UGGT1: variants seen among roughly 807,000 people sequenced by gnomAD.
UGGT1 encodes UDP-glucose glycoprotein glucosyltransferase 1.
UGGT1 carries 107 observed loss-of-function variants against 203.9 expected under a neutral mutation model. The ratio of observed to expected loss-of-function variants is 0.52; its 90% CI spans 0.45 to 0.62. The LOEUF (loss-of-function observed/expected upper bound fraction) is 0.62, where lower values mean the gene tolerates loss of function less well. Among genes scored for constraint, UGGT1 ranks in the 20% least tolerant of loss-of-function variants. The probability of loss-of-function intolerance (pLI) is 0.00; values close to 1 mark genes in which losing one functional copy is unlikely to be tolerated. For synonymous variants in UGGT1, 628 were observed against 653.5 expected (o/e 0.96, Z 0.59); for missense variants, 1,673 against 1,867.2 (o/e 0.90, Z 1.92).
intron 16 of UGGT1, chr2:128,140,163 C>A: frequency 5.8e-6 from 1 of 171,124 alleles, no homozygotes; most frequent in South Asian, 1.6e-4. Context: ...GCAGGGTCAG[C>A]TTAGAGCTAG....
At position 128,154,632 on chromosome 2, in the gene UGGT1, G is replaced by T. The variant is rs1690140372; in HGVS notation, c.2138-857G>T. On this transcript the variant is annotated intron_variant, in intron 19 of 40. Transcript: ENST00000259253. ...TCCCCCACGTGATATCATGGACCGT[G>T]TGTGACTTATTTTCTACGGTTTTCC... Among the ~76,000 whole-genome samples the T allele has an allele frequency of 2.0e-5, 3 of 152,198 alleles. 1 individual carries two copies. Among genetic ancestry groups the T allele is most frequent in the Admixed American group, 1.3e-4 (2 of 15,270 alleles).
chr2:128,114,580 C>T (rs1688011538), intron 6 of UGGT1, among the ~76,000 whole-genome samples: 8 of 152,166 alleles, frequency 5.3e-5, no homozygotes, highest in Admixed American at 5.2e-4. Context: ...TCACTCCAAG[C>T]TCCGCTCGAA....
Position 128,116,256 on chromosome 2 carries a change from CT to C in UGGT1, c.794-6del. On this transcript the variant is annotated splice_region_variant and splice_polypyrimidine_tract_variant and intron_variant, in intron 7 of 40. Transcript: ENST00000259253. Reference sequence around the variant, plus strand: ...TTATTAATAATATGTATTTTCTATTCTTTCATAGGAACTGAGGTAAACACCA... The same window carrying C: ...TTATTAATAATATGTATTTTCTATTCTTCATAGGAACTGAGGTAAACACCA... 1.3e-6 allele frequency: 2 copies of C among 1,562,886 alleles called. No homozygotes were observed. Among genetic ancestry groups the C allele is most frequent in the Non-Finnish European group, 1.8e-6 (2 of 1,136,770 alleles).
At position 128,182,236 on chromosome 2, in the gene UGGT1, T is replaced by A; in HGVS notation, c.4190T>A (p.Phe1397Tyr). The change falls in exon 37 of 41, where the codon TTC (phenylalanine) becomes TAC (tyrosine). Residue 1397 changes from phenylalanine (F) to tyrosine (Y), a missense_variant. Transcript: ENST00000259253. ...DSRREMDGYR[F>Y]WKSGYWASHL... is the part of the protein sequence containing the mutation. ...CGAAGAGAAATGGACGGCTACAGGT[T>A]CTGGAAGTCAGGGTACTGGGCCAGT... The A allele has an allele frequency of 6.2e-7, 1 of 1,614,216 alleles. No individual in the cohort carries two copies. Among genetic ancestry groups the A allele is most frequent in the East Asian group, 2.2e-5 (1 of 44,888 alleles).
intron 1 of UGGT1, among the ~76,000 whole-genome samples, 162 bp from the exon 2 acceptor site, chr2:128,097,267 T>A (rs1380311311): frequency 6.6e-6 from 1 of 151,730 alleles, no homozygotes; most frequent in Non-Finnish European, 1.5e-5. Context: ...TCCCAGCTAC[T>A]GGGGAGGCTG....
At chr2:128,127,689 T>C (rs1419630035) in intron 12 of UGGT1, among the ~76,000 whole-genome samples, 3 of 152,196 alleles carry the variant, frequency 2.0e-5, no homozygotes, top group African/African-American at 7.2e-5. Context: ...GCTGTCCTTT[T>C]AGAAGCTATA....
intron 26 of UGGT1, among the ~76,000 whole-genome samples, chr2:128,166,608 A>G (rs1003673104): frequency 4.6e-5 from 7 of 151,730 alleles, no homozygotes; most frequent in Non-Finnish European, 8.8e-5. Context: ...GTTCTTTGCC[A>G]TTTTTTTTCC....
Position 128,129,136 on chromosome 2 carries a change from C to T in UGGT1, c.1334C>T (p.Ser445Phe). 1 of 1,613,988 alleles carries T rather than the reference C, an allele frequency of 6.2e-7. No homozygotes were observed. Among genetic ancestry groups the T allele is most frequent in the Non-Finnish European group, 8.5e-7 (1 of 1,180,008 alleles). ...HNVLKLNIQPSEADYAVDIRS... is the reference protein window; with the variant it reads ...HNVLKLNIQPFEADYAVDIRS... ...GTTTTGAAGCTGAACATCCAGCCCT[C>T]TGAGGCAGACTATGCCGTAGACATC... Residue 445 changes from serine to phenylalanine, a missense_variant, in exon 13 of 41, where the codon TCT (serine) becomes TTT (phenylalanine). Transcript: ENST00000259253.
intron 31 of UGGT1, among the ~76,000 whole-genome samples, chr2:128,175,106 T>C (rs1287952167): frequency 6.6e-6 from 1 of 152,268 alleles, no homozygotes; most frequent in African/African-American, 2.4e-5. Flanking sequence ...GTGCTAACAA[T>C]ATCCCAGAAT....
intron 37 of UGGT1, among the ~76,000 whole-genome samples, chr2:128,183,329 C>G (rs554990143): frequency 4.6e-5 from 7 of 152,270 alleles, no homozygotes; most frequent in Admixed American, 1.3e-4. Context: ...GGTTTTCCCC[C>G]CCCTGTAACA....
chr2:128,102,842 G>A (rs1687441696), intron 2 of UGGT1, among the ~76,000 whole-genome samples: 2 of 152,022 alleles, frequency 1.3e-5, no homozygotes, highest in South Asian at 4.1e-4. Context: ...TTAATTTAGT[G>A]TTTATTTGCA....
intron 1 of UGGT1, 136 bp downstream of exon 1, chr2:128,091,551 C>A: frequency 6.9e-7 from 1 of 1,442,488 alleles, no homozygotes; most frequent in South Asian, 1.4e-5. Flanking sequence ...ATCCCTTCCC[C>A]TATTCGCGAG....
At chr2:128,180,666 T>G (rs1691648446) in intron 35 of UGGT1, among the ~76,000 whole-genome samples, 1 of 152,240 alleles carries the variant, frequency 6.6e-6, no homozygotes, top group South Asian at 2.1e-4. Flanking sequence ...GAACATTCTG[T>G]CATTTCATGT....
chr2:128,114,385 T>C (rs1454494927), intron 6 of UGGT1, among the ~76,000 whole-genome samples: 1 of 152,206 alleles, frequency 6.6e-6, no homozygotes, highest in African/African-American at 2.4e-5. Context: ...CCCAAAGTGC[T>C]GGGATTACAG....
chr2:128,098,133 G>A (rs1687198976), intron 2 of UGGT1, among the ~76,000 whole-genome samples: 1 of 152,176 alleles, frequency 6.6e-6, no homozygotes, highest in South Asian at 2.1e-4. Flanking sequence ...AAAGTGCTGG[G>A]ATTACAGATG....
intron 18 of UGGT1, among the ~76,000 whole-genome samples, chr2:128,148,405 C>A (rs1305314396): frequency 6.6e-6 from 1 of 152,146 alleles, no homozygotes; most frequent in Non-Finnish European, 1.5e-5. Context: ...CATCTGTATT[C>A]TTTTTCATGT....
intron 5 of UGGT1, among the ~76,000 whole-genome samples, chr2:128,111,164 G>T (rs1687828720): frequency 6.6e-6 from 1 of 152,168 alleles, no homozygotes; most frequent in Non-Finnish European, 1.5e-5. Context: ...ACCAACCGGT[G>T]CAACAAAGTG....
At chr2:128,174,492 G>C (rs1011474655) in intron 30 of UGGT1, among the ~76,000 whole-genome samples, 5 of 151,938 alleles carry the variant, frequency 3.3e-5, no homozygotes, top group Non-Finnish European at 4.4e-5. Flanking sequence ...GTAGAGATGG[G>C]GTTTCACCAT....
chr2:128,100,657 G>A (rs1156539094), intron 2 of UGGT1, among the ~76,000 whole-genome samples: 1 of 150,910 alleles, frequency 6.6e-6, no homozygotes, highest in African/African-American at 2.4e-5. Flanking sequence ...CCCCACCTCA[G>A]GTGATCCACC....
Sources: gnomAD v4.1 joint callset for allele counts (sites outside exome capture counted in the v4.1 genomes callset) on GRCh38, gnomAD v4.1.1 for gene constraint, MANE v1.5 for transcripts, NCBI Gene and HGNC (gene_info 2026-07-23, HGNC 2026-07-21) for gene names.